The following CELF4 variants were observed in gnomAD, a reference collection of about 807,000 sequenced individuals.
The protein encoded by CELF4 is CUGBP Elav-like family member 4, also known as CUG-BP- and ETR-3-like factor 4.
CELF4 carries 18 observed loss-of-function variants against 59.9 expected under a neutral mutation model. That is an observed-to-expected ratio of 0.30 (90% confidence interval 0.21 to 0.45). The LOEUF (loss-of-function observed/expected upper bound fraction) is 0.45. Among genes scored for constraint, CELF4 ranks in the 20% least tolerant of loss-of-function variants. The pLI is 1.00. For missense variants in CELF4, 456 were observed against 689.0 expected (o/e 0.66, Z 3.79); for synonymous variants, 261 against 267.1 (o/e 0.98, Z 0.22).
At chr18:37,378,413 G>A (rs925463559) in intron 2 of CELF4, among the ~76,000 whole-genome samples, 11 of 152,164 alleles carry the variant, frequency 7.2e-5, no homozygotes, top group South Asian at 2.1e-4. Flanking sequence ...AAATTCCCCC[G>A]ACTTTACAAT....
At chr18:37,549,264 C>G (rs978478309) in intron 1 of CELF4, among the ~76,000 whole-genome samples, 1 of 152,220 alleles carries the variant, frequency 6.6e-6, no homozygotes, top group East Asian at 1.9e-4. Context: ...CCCTGGAGAA[C>G]AGAGGAGAAG....
At chr18:37,415,175 G>A (rs560975585) in intron 2 of CELF4, among the ~76,000 whole-genome samples, 1 of 152,222 alleles carries the variant, frequency 6.6e-6, no homozygotes, top group Non-Finnish European at 1.5e-5. Flanking sequence ...CAGAGTGCTG[G>A]TTGGGTCAGA....
rs768595146 is a variant in CELF4 at position 37,253,536 on chromosome 18, C to T, written c.*44+231G>A. On this transcript the variant is annotated intron_variant, in intron 12 of 12. Transcript: ENST00000420428. This position sits in a 1 kb window ranked among gnomAD's most constrained non-coding sequence, Gnocchi z 4.5. Reference sequence around the variant, plus strand: ...TCGCCTCACCCGCCCGGAGTGGCTCCCTCACTCCTGCCCCTGGTGGCCCTG... The same window carrying T: ...TCGCCTCACCCGCCCGGAGTGGCTCTCTCACTCCTGCCCCTGGTGGCCCTG... Among the ~76,000 whole-genome samples the T allele has an allele frequency of 2.0e-5, 3 of 152,212 alleles. No individual in the cohort carries two copies. Among genetic ancestry groups the T allele is most frequent in the Non-Finnish European group, 4.4e-5 (3 of 68,036 alleles).
At chr18:37,315,849 G>A (rs898986617) in intron 3 of CELF4, among the ~76,000 whole-genome samples, 10 of 152,314 alleles carry the variant, frequency 6.6e-5, no homozygotes, top group Admixed American at 3.9e-4. Flanking sequence ...CCCACTAAGC[G>A]GGGTGGGCAC....
intron 1 of CELF4, among the ~76,000 whole-genome samples, chr18:37,510,375 G>T (rs2154604257): frequency 6.6e-6 from 1 of 152,308 alleles, no homozygotes; most frequent in South Asian, 2.1e-4. Context: ...TTCTTCCCCA[G>T]AAGCTGGCAT....
chr18:37,283,395 A>T (rs925817926), intron 3 of CELF4, among the ~76,000 whole-genome samples: 2 of 151,938 alleles, frequency 1.3e-5, no homozygotes, highest in Non-Finnish European at 2.9e-5. Context: ...GAACAAGCCA[A>T]GTCTGGTAAT....
intron 2 of CELF4, among the ~76,000 whole-genome samples, chr18:37,429,068 T>C (rs577089198): frequency 4.1e-4 from 63 of 152,256 alleles, no homozygotes; most frequent in African/African-American, 1.4e-3. Flanking sequence ...TGCCGTATCT[T>C]GGTGAGGGAG....
chr18:37,384,092 A>G (rs569978305), intron 2 of CELF4, among the ~76,000 whole-genome samples: 11 of 152,168 alleles, frequency 7.2e-5, no homozygotes, highest in African/African-American at 2.7e-4. Context: ...GAGACGCTCA[A>G]TGCGGGGGTG....
intron 2 of CELF4, among the ~76,000 whole-genome samples, chr18:37,329,651 T>A (rs1350142394): frequency 6.6e-6 from 1 of 152,238 alleles, no homozygotes; most frequent in African/African-American, 2.4e-5. Flanking sequence ...CAGCAATGAT[T>A]GCAGGTGGGA....
intron 12 of CELF4, among the ~76,000 whole-genome samples, chr18:37,248,664 A>G (rs905442923): frequency 3.3e-5 from 5 of 152,158 alleles, no homozygotes; most frequent in African/African-American, 1.2e-4. Context: ...TGGAGCCCTA[A>G]GTAGTTGAGA....
At chr18:37,312,264 T>TGACA (rs34829574) in intron 3 of CELF4, among the ~76,000 whole-genome samples, 68,101 of 150,918 alleles carry the variant, frequency 0.45, 15,499 homozygotes, top group South Asian at 0.57. Context: ...GTCAGATAGG[T>TGACA]GACAGAACTT....
chr18:37,423,059 C>T (rs563612667), intron 2 of CELF4, among the ~76,000 whole-genome samples: 79 of 101,596 alleles, frequency 7.8e-4, no homozygotes, highest in Middle Eastern at 4.9e-3. Context: ...CACATGCGCG[C>T]GCGCGCACAC....
chr18:37,500,786 G>A (rs549963154), intron 1 of CELF4, among the ~76,000 whole-genome samples: 26 of 152,100 alleles, frequency 1.7e-4, no homozygotes, highest in African/African-American at 5.5e-4. Context: ...CACCCGCCTC[G>A]GTCTCCCAAA....
At chr18:37,487,844 G>T (rs190365001) in intron 1 of CELF4, among the ~76,000 whole-genome samples, 4 of 152,334 alleles carry the variant, frequency 2.6e-5, no homozygotes, top group Non-Finnish European at 5.9e-5. Context: ...AGAGGAAAAA[G>T]AATCTGTTGC....
At chr18:37,367,234 G>A (rs2098796551) in intron 2 of CELF4, among the ~76,000 whole-genome samples, 1 of 152,138 alleles carries the variant, frequency 6.6e-6, no homozygotes, top group Admixed American at 6.5e-5. Context: ...GGTGTGACGA[G>A]AGAGTTGGAG....
intron 2 of CELF4, among the ~76,000 whole-genome samples, chr18:37,374,859 C>T (rs2098947683): frequency 6.6e-6 from 1 of 152,202 alleles, no homozygotes; most frequent in African/African-American, 2.4e-5. Context: ...ATCCTCCAAT[C>T]CTCTAAATGG....
At chr18:37,297,726 AC>A (rs2095744162) in intron 3 of CELF4, among the ~76,000 whole-genome samples, 1 of 152,188 alleles carries the variant, frequency 6.6e-6, no homozygotes, top group African/African-American at 2.4e-5. Flanking sequence ...CCTCAAAGGC[AC>A]CCAGTGCTCT....
intron 1 of CELF4, among the ~76,000 whole-genome samples, chr18:37,531,367 T>C (rs2099969461): frequency 6.6e-6 from 1 of 151,976 alleles, no homozygotes; most frequent in Non-Finnish European, 1.5e-5. Context: ...AGTCCCAGAG[T>C]CCCAGCTCTT....
At chr18:37,488,503 CT>C (rs2099887172) in intron 1 of CELF4, among the ~76,000 whole-genome samples, 1 of 152,152 alleles carries the variant, frequency 6.6e-6, no homozygotes, top group Non-Finnish European at 1.5e-5. Context: ...TGTTCAAGAT[CT>C]GTGGGCACTG....
Sources: allele counts gnomAD v4.1 joint callset (sites outside exome capture counted in the v4.1 genomes callset), GRCh38; gene constraint gnomAD v4.1.1; non-coding constraint Gnocchi (gnomAD v3.1); transcripts MANE v1.5; gene names NCBI Gene and HGNC (gene_info 2026-07-23, HGNC 2026-07-21).